The following PIBF1 variants were observed in gnomAD, a reference collection of about 807,000 sequenced individuals.
PIBF1 encodes the protein progesterone-induced-blocking factor 1.
PIBF1 carries 90 observed loss-of-function variants against 112.5 expected under a neutral mutation model. The ratio of observed to expected loss-of-function variants is 0.80; its 90% CI spans 0.67 to 0.95. The LOEUF (loss-of-function observed/expected upper bound fraction) is 0.95, where lower values mean the gene tolerates loss of function less well. Among genes scored for constraint, PIBF1 ranks in the 40% least tolerant of loss-of-function variants. The probability of loss-of-function intolerance (pLI) is 0.00; values close to 1 mark genes in which losing one functional copy is unlikely to be tolerated. For synonymous variants in PIBF1, 301 were observed against 288.6 expected (o/e 1.04, Z -0.44); for missense variants, 915 against 852.3 (o/e 1.07, Z -0.92).
At chr13:73,005,439 C>CTGG (rs1407575263) in intron 17 of PIBF1, among the ~76,000 whole-genome samples, 1 of 150,842 alleles carries the variant, frequency 6.6e-6, no homozygotes, top group Non-Finnish European at 1.5e-5. Flanking sequence ...ACGCCACTGC[C>CTGG]CTCAACCCTG....
At chr13:72,784,634 C>T (rs1467148360) in intron 2 of PIBF1, among the ~76,000 whole-genome samples, 2 of 151,172 alleles carry the variant, frequency 1.3e-5, no homozygotes, top group African/African-American at 4.9e-5. Flanking sequence ...GGTGCTGCGC[C>T]TGCAGGCCCA....
Position 72,808,495 on chromosome 13 carries a change from A to C in PIBF1, c.672+10469A>C, listed in dbSNP as rs190802419. On this transcript the variant is annotated intron_variant, in intron 5 of 17. Coordinates refer to ENST00000326291, the MANE Select transcript of PIBF1 (RefSeq NM_006346.4). Reference sequence around the variant, plus strand: ...GTTGTTGAGACTCTGCATTTTATGTACCTCTAAACGGTGGTGATGTTCTTG... The same window carrying C: ...GTTGTTGAGACTCTGCATTTTATGTCCCTCTAAACGGTGGTGATGTTCTTG... Among the ~76,000 whole-genome samples, 201 of 152,250 alleles carry C rather than the reference A, an allele frequency of 1.3e-3. 1 individual carries two copies. Among genetic ancestry groups the C allele is most frequent in the Non-Finnish European group, 2.6e-3 (177 of 68,022 alleles).
At chr13:72,939,888 G>A (rs747838391) in intron 14 of PIBF1, among the ~76,000 whole-genome samples, 3 of 151,876 alleles carry the variant, frequency 2.0e-5, no homozygotes, top group Middle Eastern at 3.2e-3. Flanking sequence ...AGTTTGCATC[G>A]TTTCTGCCAA....
chr13:72,887,424 A>G (rs890079842), intron 10 of PIBF1, among the ~76,000 whole-genome samples: 14 of 151,846 alleles, frequency 9.2e-5, no homozygotes, highest in African/African-American at 3.4e-4. Flanking sequence ...ATTGGGTATA[A>G]TAGGGTAAGT....
At chr13:72,877,120 A>G (rs945093990) in intron 10 of PIBF1, among the ~76,000 whole-genome samples, 13 of 152,104 alleles carry the variant, frequency 8.5e-5, no homozygotes, top group African/African-American at 2.4e-4. Flanking sequence ...TGCTTTCTCT[A>G]CATCTATTGA....
chr13:72,938,396 GCT>G (rs376125630), intron 14 of PIBF1, among the ~76,000 whole-genome samples: 14 of 151,180 alleles, frequency 9.3e-5, no homozygotes, highest in Admixed American at 7.9e-4. Flanking sequence ...GCAATAATGT[GCT>G]CTCTCTCTCT....
At chr13:72,996,863 T>A (rs907007165) in intron 16 of PIBF1, among the ~76,000 whole-genome samples, 1 of 152,138 alleles carries the variant, frequency 6.6e-6, no homozygotes, top group African/African-American at 2.4e-5. Context: ...AAATTGAAAA[T>A]GTGTTCTAAA....
At chr13:72,888,814 C>T (rs2039952896) in intron 10 of PIBF1, among the ~76,000 whole-genome samples, 1 of 148,788 alleles carries the variant, frequency 6.7e-6, no homozygotes, top group Non-Finnish European at 1.5e-5. Flanking sequence ...ATGTGATATA[C>T]ATACATGTTT....
In PIBF1 at chr13:72,827,752, CTG is replaced by C; in HGVS notation, c.937_938del (p.Val313TyrfsTer7). 1.3e-6 allele frequency: 2 copies of C among 1,586,682 alleles called. No homozygotes were observed. Among genetic ancestry groups the C allele is most frequent in the Non-Finnish European group, 1.7e-6 (2 of 1,166,452 alleles). ...ATGTAGGTAGTCACCTTAGAGCAAACTGTTACTTTACTGCAAAAGGATAAAGA... is the reference window on the plus strand; with the variant it reads ...ATGTAGGTAGTCACCTTAGAGCAAACTTACTTTACTGCAAAAGGATAAAGA... On this transcript the variant is annotated frameshift_variant, in exon 8 of 18. Transcript: ENST00000326291. LOFTEE classifies it high-confidence loss of function.
intron 10 of PIBF1, among the ~76,000 whole-genome samples, chr13:72,859,152 A>T (rs1440478342): frequency 6.6e-6 from 1 of 152,202 alleles, no homozygotes; most frequent in Non-Finnish European, 1.5e-5. Flanking sequence ...ATGCTCAGTA[A>T]GCAGCCATGC....
At chr13:72,839,033 T>G (rs1192605831) in intron 9 of PIBF1, among the ~76,000 whole-genome samples, 1 of 152,190 alleles carries the variant, frequency 6.6e-6, no homozygotes, top group Non-Finnish European at 1.5e-5. Flanking sequence ...ATGTAAGACC[T>G]GTGGGGAACA....
intron 15 of PIBF1, among the ~76,000 whole-genome samples, chr13:72,967,456 T>C (rs9573074): frequency 0.27 from 40,634 of 152,052 alleles, 6,710 homozygotes; most frequent in East Asian, 0.48. Flanking sequence ...AATTCAGCCA[T>C]AGAGAAATTA....
intron 10 of PIBF1, among the ~76,000 whole-genome samples, chr13:72,882,208 A>G (rs1175344061): frequency 6.6e-6 from 1 of 152,230 alleles, no homozygotes; most frequent in Non-Finnish European, 1.5e-5. Context: ...AGTCTCTTCT[A>G]TAGATTATAC....
intron 10 of PIBF1, among the ~76,000 whole-genome samples, chr13:72,880,530 A>G (rs2039581798): frequency 6.6e-6 from 1 of 152,198 alleles, no homozygotes; most frequent in African/African-American, 2.4e-5. Flanking sequence ...ACCTAATGAG[A>G]TTATCACTGT....
chr13:72,964,023 A>G (rs2042675255), intron 14 of PIBF1, among the ~76,000 whole-genome samples: 1 of 152,244 alleles, frequency 6.6e-6, no homozygotes, highest in East Asian at 1.9e-4. Flanking sequence ...CAAGATATAC[A>G]GTATTTGTCC....
chr13:72,978,298 C>G (rs1174907187), intron 16 of PIBF1, among the ~76,000 whole-genome samples: 1 of 152,218 alleles, frequency 6.6e-6, no homozygotes, highest in Non-Finnish European at 1.5e-5. Flanking sequence ...ATAATCTAAT[C>G]TTTACTACAG....
chr13:72,945,038 GC>G (rs2042114587), intron 14 of PIBF1, among the ~76,000 whole-genome samples: 1 of 151,954 alleles, frequency 6.6e-6, no homozygotes, highest in Non-Finnish European at 1.5e-5. Flanking sequence ...TCAACCCTTG[GC>G]CCCCTCTCCC....
At chr13:73,004,977 G>A (rs1161305052) in intron 17 of PIBF1, among the ~76,000 whole-genome samples, 1 of 152,174 alleles carries the variant, frequency 6.6e-6, no homozygotes, top group Admixed American at 6.5e-5. Context: ...CTGAGATCAG[G>A]AGTTGGAGAC....
intron 17 of PIBF1, 23 bp downstream of exon 17, chr13:72,999,018 A>C: frequency 2.4e-5 from 34 of 1,391,842 alleles, no homozygotes; most frequent in Middle Eastern, 2.3e-4. Context: ...TTTAAAACTC[A>C]TAATTTTAAT....
Sources: allele counts gnomAD v4.1 joint callset (sites outside exome capture counted in the v4.1 genomes callset), GRCh38; gene constraint gnomAD v4.1.1; transcripts MANE v1.5; gene names NCBI Gene and HGNC (gene_info 2026-07-23, HGNC 2026-07-21).